CDH9: variants seen among roughly 807,000 people sequenced by gnomAD.
The protein encoded by CDH9 is cadherin 9.
Under a neutral mutation model 70.9 loss-of-function variants are expected in CDH9, and 28 were observed. The ratio of observed to expected loss-of-function variants is 0.40; its 90% CI spans 0.29 to 0.54. CDH9 has a LOEUF of 0.54. Ranked by LOEUF, CDH9 falls within the 20% of genes least tolerant of loss-of-function variation. CDH9 has a pLI of 0.59. For missense variants in CDH9, 874 were observed against 984.4 expected (o/e 0.89, Z 1.50); for synonymous variants, 409 against 343.1 (o/e 1.19, Z -2.12).
intron 8 of CDH9, among the ~76,000 whole-genome samples, 194 bp from the exon 9 acceptor site, chr5:26,890,151 T>A (rs1740631988): frequency 6.6e-6 from 1 of 152,212 alleles, no homozygotes; most frequent in Non-Finnish European, 1.5e-5. Context: ...TAATTGAGAA[T>A]GAAGTATTAT....
At chr5:26,981,622 A>C (rs1742401070) in intron 2 of CDH9, among the ~76,000 whole-genome samples, 1 of 152,010 alleles carries the variant, frequency 6.6e-6, no homozygotes, top group African/African-American at 2.4e-5. Context: ...CATGTATAAA[A>C]CCAGAGAGTC....
chr5:27,005,481 C>T (rs901586746), intron 1 of CDH9, among the ~76,000 whole-genome samples: 1 of 152,096 alleles, frequency 6.6e-6, no homozygotes, highest in Non-Finnish European at 1.5e-5. Context: ...CATCTCACAA[C>T]AGTCAGAATG....
chr5:26,946,868 C>T (rs7702520), intron 2 of CDH9, among the ~76,000 whole-genome samples: 19,073 of 152,048 alleles, frequency 0.13, 4,006 homozygotes, highest in African/African-American at 0.44. Context: ...CTTATTCTAT[C>T]AAGCAGTGAG....
At chr5:27,031,891 C>T (rs905082797) in intron 1 of CDH9, among the ~76,000 whole-genome samples, 17 of 151,828 alleles carry the variant, frequency 1.1e-4, no homozygotes, top group Non-Finnish European at 2.2e-4. Flanking sequence ...GTGACACATA[C>T]TTATTTCAAG....
chr5:26,969,425 T>C (rs564681893), intron 2 of CDH9, among the ~76,000 whole-genome samples: 2 of 152,218 alleles, frequency 1.3e-5, no homozygotes, highest in South Asian at 2.1e-4. Flanking sequence ...ATTATTGTCA[T>C]TGTGAGTGAA....
At chr5:26,907,795 T>C (rs985321371) in intron 3 of CDH9, among the ~76,000 whole-genome samples, 1 of 152,076 alleles carries the variant, frequency 6.6e-6, no homozygotes, top group Non-Finnish European at 1.5e-5. Flanking sequence ...TTCAGTATAT[T>C]TTACATAATT....
intron 2 of CDH9, among the ~76,000 whole-genome samples, chr5:26,931,985 A>G (rs1015027052): frequency 3.9e-5 from 6 of 152,232 alleles, no homozygotes; most frequent in Admixed American, 3.9e-4. Context: ...CAAGATAATT[A>G]CAAATAAATG....
At chr5:26,995,582 T>C (rs1228609875) in intron 1 of CDH9, among the ~76,000 whole-genome samples, 9 of 152,138 alleles carry the variant, frequency 5.9e-5, no homozygotes, top group Non-Finnish European at 1.5e-5. Context: ...ACAACTCTCT[T>C]GGGGCCAATT....
chr5:26,969,963 A>G (rs1742191119), intron 2 of CDH9, among the ~76,000 whole-genome samples: 1 of 150,074 alleles, frequency 6.7e-6, no homozygotes. Flanking sequence ...ATATACACCC[A>G]TGCAACTGAC....
intron 2 of CDH9, among the ~76,000 whole-genome samples, chr5:26,955,598 CTCTCTCTG>C (rs1040624169): frequency 4.5e-4 from 66 of 145,916 alleles, no homozygotes; most frequent in African/African-American, 1.7e-3. Flanking sequence ...CTCTCTCTCT[CTCTCTCTG>C]TGTGTGTTTC....
intron 2 of CDH9, among the ~76,000 whole-genome samples, chr5:26,933,126 AAT>A (rs1741493334): frequency 6.8e-6 from 1 of 147,466 alleles, no homozygotes; most frequent in African/African-American, 2.4e-5. Flanking sequence ...TAAAAATATA[AAT>A]ATAGTTATAT....
At chr5:26,949,287 A>C (rs1392968321) in intron 2 of CDH9, among the ~76,000 whole-genome samples, 2 of 152,192 alleles carry the variant, frequency 1.3e-5, no homozygotes, top group African/African-American at 4.8e-5. Flanking sequence ...AGGGGCACTG[A>C]TAGGTGTTAG....
chr5:27,022,959 T>C (rs1205036144), intron 1 of CDH9, among the ~76,000 whole-genome samples: 2 of 152,016 alleles, frequency 1.3e-5, no homozygotes. Flanking sequence ...ATTTTCCTTA[T>C]AGGATGGAAG....
At chr5:27,025,524 A>C (rs2112129969) in intron 1 of CDH9, among the ~76,000 whole-genome samples, 1 of 152,218 alleles carries the variant, frequency 6.6e-6, no homozygotes, top group South Asian at 2.1e-4. Flanking sequence ...GAGAAGCCGT[A>C]AAAGTACCAA....
chr5:26,972,057 A>G lies in CDH9; in HGVS notation c.228+16049T>C, dbSNP rs550424842. Among the ~76,000 whole-genome samples, 3 of 152,310 alleles carry G rather than the reference A, an allele frequency of 2.0e-5. No homozygotes were observed. In the South Asian group the frequency reaches 6.2e-4, roughly 32 times the overall value. On this transcript the variant is annotated intron_variant, in intron 2 of 11. Transcript: ENST00000231021. ...TTTTAAAGGTTTTAAAAGAATGGCA[A>G]TCTAGATGTATTCGAGCATTTTCCC...
chr5:26,961,998 C>A (rs1268055409), intron 2 of CDH9, among the ~76,000 whole-genome samples: 1 of 152,054 alleles, frequency 6.6e-6, no homozygotes, highest in Admixed American at 6.6e-5. Context: ...CCCAACAAGC[C>A]CTGGTGTGTG....
intron 2 of CDH9, among the ~76,000 whole-genome samples, chr5:26,980,440 A>T (rs1742380839): frequency 6.6e-6 from 1 of 151,816 alleles, no homozygotes; most frequent in Non-Finnish European, 1.5e-5. Flanking sequence ...ATCTAAAGTG[A>T]CCCCAATTAC....
chr5:27,024,213 C>G (rs1039929088), intron 1 of CDH9, among the ~76,000 whole-genome samples: 1 of 151,886 alleles, frequency 6.6e-6, no homozygotes, highest in Admixed American at 6.6e-5. Flanking sequence ...TTTTCATACT[C>G]TCATAAATAG....
intron 2 of CDH9, among the ~76,000 whole-genome samples, chr5:26,931,800 C>T (rs73073526): frequency 0.041 from 6,215 of 152,042 alleles, 193 homozygotes; most frequent in African/African-American, 0.083. Context: ...GCAGTCAACC[C>T]AGACATGGGT....
Sources: gnomAD v4.1 joint callset for allele counts (sites outside exome capture counted in the v4.1 genomes callset) on GRCh38, gnomAD v4.1.1 for gene constraint, MANE v1.5 for transcripts, NCBI Gene and HGNC (gene_info 2026-07-23, HGNC 2026-07-21) for gene names.